The following C18orf63 variants were observed in gnomAD, a reference collection of about 807,000 sequenced individuals.
C18orf63 encodes the protein chromosome 18 open reading frame 63.
In C18orf63, 50 loss-of-function variants were observed where a neutral mutation model predicts 75.3. That is an observed-to-expected ratio of 0.66 (90% CI 0.53 to 0.84). The LOEUF is 0.84. Ranked by LOEUF, C18orf63 falls within the 40% of genes least tolerant of loss-of-function variation. The probability of loss-of-function intolerance (pLI) is 0.00; values close to 1 mark genes in which losing one functional copy is unlikely to be tolerated. For synonymous variants in C18orf63, 232 were observed against 267.6 expected, an observed-to-expected ratio of 0.87 and a Z score of 1.30; for missense variants, 732 against 800.2, an observed-to-expected ratio of 0.91 and a Z score of 1.03.
chr18:74,316,838 A>G (rs565044426), intron 1 of C18orf63, among the ~76,000 whole-genome samples: 1 of 152,352 alleles, frequency 6.6e-6, no homozygotes, highest in East Asian at 1.9e-4. Flanking sequence ...ACAAAATTAA[A>G]CAATAGTAAT....
At chr18:74,318,084 A>G (rs995209772) in intron 2 of C18orf63, 85 bp downstream of exon 2, 2 of 793,304 alleles carry the variant, frequency 2.5e-6, no homozygotes, top group East Asian at 3.0e-5. Context: ...ATAAAGCAAA[A>G]TACTCATTCA....
rs1485996846 is a variant in C18orf63 at position 74,357,997 on chromosome 18, A to C, written c.*1550A>C. On this transcript the variant is annotated 3_prime_UTR_variant, in exon 14 of 14. Coordinates refer to ENST00000579455, the MANE Select transcript of C18orf63 (RefSeq NM_001174123.2). The stretch of plus-strand genomic sequence containing the variant: ...TGAGCACAGTCATCCACAGCATGTA[A>C]TCATTCCTAAAACCAGCCTTCCCCA... The C allele has an allele frequency of 6.6e-6, 1 of 152,146 alleles. No individual in the cohort carries two copies. 9.4% of individuals were successfully genotyped at this position (152,146 alleles called of 1,614,324 possible).
chr18:74,354,437 G>T lies in C18orf63; in HGVS notation c.2002-20G>T. The T allele has an allele frequency of 7.1e-7, 1 of 1,398,958 alleles. No individual in the cohort carries two copies. Among genetic ancestry groups the T allele is most frequent in the Non-Finnish European group, 9.7e-7 (1 of 1,032,836 alleles). The allele number at this position is 1,398,958 out of a possible 1,614,324, so 86.7% of individuals were successfully genotyped here. A position where few individuals can be genotyped will look rare whatever the true frequency, so the allele number is the denominator to read the frequency against. On this transcript the variant is annotated intron_variant, in intron 12 of 13. Coordinates refer to ENST00000579455, the MANE Select transcript of C18orf63 (RefSeq NM_001174123.2). ...TATGCAGTTAATTTGTAACAAATGTGATTCTTCAATCTAATACAGATACTT... is the reference window on the plus strand; with the variant it reads ...TATGCAGTTAATTTGTAACAAATGTTATTCTTCAATCTAATACAGATACTT...
In C18orf63 at chr18:74,348,512, GCTT is replaced by G. The variant is rs200133681; in HGVS notation, c.979-4731_979-4729del. On this transcript the variant is annotated intron_variant, in intron 11 of 13. Coordinates refer to ENST00000579455, the MANE Select transcript of C18orf63 (RefSeq NM_001174123.2). ...CATTTAATTATTGCTTTAATATTAA[GCTT>G]CTGTGAAATATTCGTTCATATCTAA... Among the ~76,000 whole-genome samples the G allele has an allele frequency of 9.0e-3, 1,368 of 152,200 alleles. 7 individuals are homozygous for G. The highest frequency in any genetic ancestry group is 0.031 in the Middle Eastern group (9 of 294).
chr18:74,331,217 C>T (rs556045379), intron 7 of C18orf63, among the ~76,000 whole-genome samples: 41 of 152,228 alleles, frequency 2.7e-4, no homozygotes, highest in Admixed American at 6.5e-4. Flanking sequence ...CTCTCCACAA[C>T]CTATCCTGTC....
At position 74,354,074 on chromosome 18, in the gene C18orf63, A is replaced by G; in HGVS notation, c.1807A>G (p.Thr603Ala). ...ACACATTTTTGAATCAGATGGAGAA[A>G]CCGAAGATCCACGACTGCTACAGCA... ...QPHIFESDGE[T>A]EDPRLLQQQS... The change falls in exon 12 of 14, where the codon ACC becomes GCC. Residue 603 changes from threonine to alanine, a missense_variant. By Grantham distance (58) the Thr-to-Ala change is moderately conservative. Coordinates refer to ENST00000579455, the MANE Select transcript of C18orf63 (RefSeq NM_001174123.2). 8 of 1,536,242 alleles carry G rather than the reference A, an allele frequency of 5.2e-6. No individual in the cohort carries two copies. Among genetic ancestry groups the G allele is most frequent in the Non-Finnish European group, 6.1e-6 (7 of 1,146,918 alleles).
intron 11 of C18orf63, among the ~76,000 whole-genome samples, chr18:74,344,797 A>T (rs1984546145): frequency 6.6e-6 from 1 of 152,056 alleles, no homozygotes; most frequent in African/African-American, 2.4e-5. Context: ...TTATGTGATT[A>T]TGCTGCAATT....
chr18:74,336,473 C>G (rs970543591), intron 7 of C18orf63, among the ~76,000 whole-genome samples: 3 of 152,018 alleles, frequency 2.0e-5, no homozygotes, highest in Admixed American at 2.0e-4. Context: ...ATAATCTCCT[C>G]TCTTGATTTA....
At chr18:74,346,676 G>A (rs556022337) in intron 11 of C18orf63, among the ~76,000 whole-genome samples, 18 of 152,272 alleles carry the variant, frequency 1.2e-4, no homozygotes, top group East Asian at 7.7e-4. Context: ...GAATACTTAA[G>A]ATTTCCAGCC....
At chr18:74,334,585 G>A (rs1984361290) in intron 7 of C18orf63, among the ~76,000 whole-genome samples, 4 of 152,004 alleles carry the variant, frequency 2.6e-5, no homozygotes, top group Admixed American at 2.0e-4. Flanking sequence ...GTTCCCTTTG[G>A]CATAGTGAGT....
At position 74,354,283 on chromosome 18, in the gene C18orf63, A is replaced by C. The variant is rs201545666; in HGVS notation, c.2001+15A>C. The stretch of plus-strand genomic sequence containing the variant: ...CTAAGAAGCAGGTAAAAAAAAAATT[A>C]ATCTGGCACTACTTATCATATGCTA... On this transcript the variant is annotated intron_variant, in intron 12 of 13. Transcript: ENST00000579455. 2.1e-3 allele frequency: 3,139 copies of C among 1,492,688 alleles called. 4 individuals carry two copies. Among genetic ancestry groups the C allele is most frequent in the Non-Finnish European group, 2.6e-3 (2,903 of 1,129,636 alleles). 92.5% of individuals were successfully genotyped at this position (1,492,688 alleles called of 1,614,324 possible).
intron 7 of C18orf63, 140 bp from the exon 8 acceptor site, chr18:74,338,575 T>A (rs1446294728): frequency 4.9e-6 from 2 of 404,336 alleles, no homozygotes; most frequent in Non-Finnish European, 8.8e-6. Context: ...TGTAAAGTGG[T>A]TATGCATGAT....
At chr18:74,327,508 C>T (rs1395291969) in intron 4 of C18orf63, among the ~76,000 whole-genome samples, 1 of 151,988 alleles carries the variant, frequency 6.6e-6, no homozygotes, top group Non-Finnish European at 1.5e-5. Context: ...CTCTCTTCCT[C>T]CCCAGTTCAT....
In C18orf63 at chr18:74,342,144, A is replaced by G. The variant is rs1294456962; in HGVS notation, c.708+16A>G. Reference sequence around the variant, plus strand: ...GGATGCCCTGGTAAGGAATGGAAATATATGTTACATTAGAAGTTATTTGAT... The same window carrying G: ...GGATGCCCTGGTAAGGAATGGAAATGTATGTTACATTAGAAGTTATTTGAT... On this transcript the variant is annotated intron_variant, in intron 9 of 13. Transcript: ENST00000579455. 1 of 1,422,870 alleles carries G rather than the reference A, an allele frequency of 7.0e-7. No individual in the cohort carries two copies. Among genetic ancestry groups the G allele is most frequent in the Non-Finnish European group, 9.6e-7 (1 of 1,045,112 alleles). 88.1% of individuals were successfully genotyped at this position (1,422,870 alleles called of 1,614,324 possible).
chr18:74,344,382 T>A (rs925040425), intron 11 of C18orf63, among the ~76,000 whole-genome samples: 1 of 148,404 alleles, frequency 6.7e-6, no homozygotes, highest in Non-Finnish European at 1.5e-5. Flanking sequence ...TCTGCATTTT[T>A]AAAATCTATT....
At chr18:74,317,687 G>T in intron 1 of C18orf63, 147 bp from the exon 2 acceptor site, 1 of 471,516 alleles carries the variant, frequency 2.1e-6, no homozygotes, top group Non-Finnish European at 3.7e-6. Context: ...AAGGTAAATG[G>T]CAGGGATACT....
chr18:74,317,851 C>T lies in C18orf63; in HGVS notation c.-15C>T. ...TTTTAAAGGCCTGATTGCTGAGACA[C>T]TCAGTCAGGAAAGTATGAATGATTC... On this transcript the variant is annotated 5_prime_UTR_variant, in exon 2 of 14. Transcript: ENST00000579455. 6.6e-7 allele frequency: 1 copy of T among 1,515,956 alleles called. No individual in the cohort carries two copies. Among genetic ancestry groups the T allele is most frequent in the Non-Finnish European group, 8.8e-7 (1 of 1,137,604 alleles). The allele number at this position is 1,515,956 out of a possible 1,614,324, so 93.9% of individuals were successfully genotyped here.
intron 7 of C18orf63, among the ~76,000 whole-genome samples, chr18:74,338,177 G>T (rs374399686): frequency 1.3e-5 from 2 of 152,064 alleles, no homozygotes; most frequent in African/African-American, 4.8e-5. Context: ...ACTCTTGTAG[G>T]TTAAATACAA....
In C18orf63 at chr18:74,330,183, G is replaced by A. The variant is rs558942132; in HGVS notation, c.425-683G>A. Reference sequence around the variant, plus strand: ...ATTCCTCACTCCTGTGTTAGGATTTGTTTTCTTTTACTTTTATTGAAATGT... The same window carrying A: ...ATTCCTCACTCCTGTGTTAGGATTTATTTTCTTTTACTTTTATTGAAATGT... On this transcript the variant is annotated intron_variant, in intron 6 of 13. Coordinates refer to ENST00000579455, the MANE Select transcript of C18orf63 (RefSeq NM_001174123.2). 4.6e-5 allele frequency among the ~76,000 whole-genome samples: 7 copies of A among 152,222 alleles called. No individual in the cohort carries two copies. In the East Asian group the frequency reaches 1.3e-3, roughly 29 times the overall value.
Sources: gnomAD v4.1 joint callset for allele counts (sites outside exome capture counted in the v4.1 genomes callset) on GRCh38, gnomAD v4.1.1 for gene constraint, MANE v1.5 for transcripts, NCBI Gene and HGNC (gene_info 2026-07-23, HGNC 2026-07-21) for gene names.